Variants in TAF15 observed in about 807,000 individuals in gnomAD.
The protein encoded by TAF15 is TATA-binding protein-associated factor 2N.
Under a neutral mutation model 102.5 loss-of-function variants are expected in TAF15, and 37 were observed. That is an observed-to-expected ratio of 0.36 (90% CI 0.28 to 0.47). The LOEUF (loss-of-function observed/expected upper bound fraction) is 0.47, where lower values mean the gene tolerates loss of function less well. Among genes scored for constraint, TAF15 ranks in the 20% least tolerant of loss-of-function variants. The pLI, the probability that TAF15 is intolerant of heterozygous loss-of-function variation, is 0.99. For missense variants in TAF15, 652 were observed against 760.7 expected, an observed-to-expected ratio of 0.86 and a Z score of 1.68; for synonymous variants, 273 against 259.2, an observed-to-expected ratio of 1.05 and a Z score of -0.51.
At chr17:35,820,824 A>G (rs893862057) in intron 5 of TAF15, among the ~76,000 whole-genome samples, 1 of 152,130 alleles carries the variant, frequency 6.6e-6, no homozygotes, top group Non-Finnish European at 1.5e-5. Flanking sequence ...ATATTTTTTA[A>G]AAGGGTCAAA....
At chr17:35,811,772 A>G (rs1038372926) in intron 1 of TAF15, among the ~76,000 whole-genome samples, 5 of 152,280 alleles carry the variant, frequency 3.3e-5, no homozygotes, top group Admixed American at 6.5e-5. Context: ...TACAACGTGA[A>G]TTAGCTAACA....
intron 12 of TAF15, among the ~76,000 whole-genome samples, chr17:35,843,008 C>G (rs1384758313): frequency 6.6e-6 from 1 of 152,182 alleles, no homozygotes; most frequent in Admixed American, 6.5e-5. Context: ...GGATTGCAGG[C>G]ATGAGCCACC....
chr17:35,823,994 T>C lies in TAF15; in HGVS notation c.485-84T>C, dbSNP rs780918794. ...GTGCCATTTTCTATAAGGATATGTG[T>C]GGCCTAAAGAGCCATTTAACATTGT... On this transcript the variant is annotated intron_variant, in intron 6 of 15. Transcript: ENST00000605844. 956 of 1,553,096 alleles carry C rather than the reference T, an allele frequency of 6.2e-4. 1 individual carries two copies. Among genetic ancestry groups the C allele is most frequent in the Non-Finnish European group, 8.1e-4 (917 of 1,126,026 alleles).
chr17:35,812,583 CAAAAAAAA>C (rs34497840), intron 1 of TAF15, among the ~76,000 whole-genome samples: 2 of 66,278 alleles, frequency 3.0e-5, no homozygotes, highest in African/African-American at 5.6e-5. Flanking sequence ...AACTCTATCT[CAAAAAAAA>C]AAAAAAAAAA....
intron 1 of TAF15, 126 bp downstream of exon 1, chr17:35,809,702 G>A: frequency 3.7e-6 from 5 of 1,335,034 alleles, no homozygotes; most frequent in Non-Finnish European, 5.3e-6. Context: ...GGGGTGGGGG[G>A]GCGGCCGCTG....
intron 1 of TAF15, chr17:35,817,375 T>G: frequency 3.6e-6 from 1 of 281,622 alleles, no homozygotes; most frequent in Non-Finnish European, 6.8e-6. Context: ...TCTTTCCCCT[T>G]TTTGGACCTG....
At chr17:35,846,060 CAGA>C (rs1165431167) in intron 15 of TAF15, among the ~76,000 whole-genome samples, 2 of 152,056 alleles carry the variant, frequency 1.3e-5, no homozygotes, top group African/African-American at 2.4e-5. Flanking sequence ...GGTGTAGAGG[CAGA>C]AGAAGACCAA....
chr17:35,828,851 A>G (rs1394841389), intron 7 of TAF15, among the ~76,000 whole-genome samples: 1 of 149,962 alleles, frequency 6.7e-6, no homozygotes, highest in Non-Finnish European at 1.5e-5. Context: ...TGTATTTTGC[A>G]TTTAGAGCAC....
Position 35,836,106 on chromosome 17 carries a change from A to G in TAF15, c.674-26A>G, listed in dbSNP as rs567494994. The G allele has an allele frequency of 4.7e-6, 7 of 1,486,130 alleles. No homozygotes were observed. The East Asian group carries it at 1.1e-4, about 24-fold the overall frequency. The allele number at this position is 1,486,130 out of a possible 1,614,324, so 92.1% of individuals were successfully genotyped here. A position where few individuals can be genotyped will look rare whatever the true frequency, so the allele number is the denominator to read the frequency against. Reference sequence around the variant, plus strand: ...ATGTCATAACCAAGGAATATGTAAAATTAACCATCACTTTTTTTCTCTTAG... The same window carrying G: ...ATGTCATAACCAAGGAATATGTAAAGTTAACCATCACTTTTTTTCTCTTAG... On this transcript the variant is annotated intron_variant, in intron 9 of 15. Transcript: ENST00000605844.
intron 10 of TAF15, among the ~76,000 whole-genome samples, 169 bp from the exon 11 acceptor site, chr17:35,838,255 C>T (rs971058090): frequency 1.3e-5 from 2 of 152,048 alleles, no homozygotes; most frequent in South Asian, 4.2e-4. Context: ...CTTAGTGTAG[C>T]TTAGAGAGTT....
intron 11 of TAF15, among the ~76,000 whole-genome samples, chr17:35,838,969 A>G (rs1473292072): frequency 6.6e-6 from 1 of 152,078 alleles, no homozygotes; most frequent in African/African-American, 2.4e-5. Flanking sequence ...CCCTGACTTT[A>G]TAGTTTGAAA....
In TAF15 at chr17:35,818,182, G is replaced by A. The variant is rs537156316; in HGVS notation, c.47+427G>A. On this transcript the variant is annotated intron_variant, in intron 2 of 15. Transcript: ENST00000605844. ...GCGATCTCGGGTCGCTGCAAGCTCCGCCTCGCAGGTTCACGCCATTCTCTG... is the reference window on the plus strand; with the variant it reads ...GCGATCTCGGGTCGCTGCAAGCTCCACCTCGCAGGTTCACGCCATTCTCTG... 1.5e-3 allele frequency among the ~76,000 whole-genome samples: 225 copies of A among 151,956 alleles called. 1 individual carries two copies. The highest frequency in any genetic ancestry group is 4.1e-3 in the African/African-American group (169 of 41,438).
chr17:35,816,391 G>A lies in TAF15; in HGVS notation c.8-1325G>A, dbSNP rs555480160. On this transcript the variant is annotated intron_variant, in intron 1 of 15. Coordinates refer to ENST00000605844, the MANE Select transcript of TAF15 (RefSeq NM_139215.3). The stretch of plus-strand genomic sequence containing the variant: ...GCTGCACACCTGTAGTCCCAGCTAC[G>A]CAGGAGGCTGAGGCAGGAGAATGAC... Among the ~76,000 whole-genome samples the A allele has an allele frequency of 2.0e-5, 3 of 152,272 alleles. No homozygotes were observed. In the East Asian group the frequency reaches 5.8e-4, roughly 29 times the overall value.
intron 11 of TAF15, among the ~76,000 whole-genome samples, chr17:35,841,809 T>C (rs1036310656): frequency 2.0e-5 from 3 of 151,830 alleles, no homozygotes; most frequent in Admixed American, 6.6e-5. Context: ...GTAATCCTCC[T>C]GCCTCAGCCT....
At chr17:35,828,658 G>C (rs2087359319) in intron 7 of TAF15, among the ~76,000 whole-genome samples, 1 of 152,002 alleles carries the variant, frequency 6.6e-6, no homozygotes. Flanking sequence ...TTGAGCCCAG[G>C]AGTTCAAGGC....
intron 2 of TAF15, among the ~76,000 whole-genome samples, chr17:35,818,159 G>C (rs4251728): frequency 6.6e-6 from 1 of 151,960 alleles, no homozygotes; most frequent in African/African-American, 2.4e-5. Context: ...GCAGTGGCGC[G>C]ATCTCGGGTC....
At chr17:35,819,800 T>G (rs1379762894) in intron 2 of TAF15, among the ~76,000 whole-genome samples, 1 of 152,200 alleles carries the variant, frequency 6.6e-6, no homozygotes, top group African/African-American at 2.4e-5. Flanking sequence ...AACAAAACTT[T>G]GGGTATTTGT....
At chr17:35,820,295 G>A in intron 4 of TAF15, 37 bp from the exon 5 acceptor site, 1 of 1,613,680 alleles carries the variant, frequency 6.2e-7, no homozygotes, top group Non-Finnish European at 8.5e-7. Flanking sequence ...TGAAAAATCA[G>A]AGCCTTCACT....
chr17:35,819,027 T>TA (rs530385755), intron 2 of TAF15, among the ~76,000 whole-genome samples: 292 of 152,314 alleles, frequency 1.9e-3, no homozygotes, highest in Non-Finnish European at 3.5e-3. Flanking sequence ...GGGCTTCTCT[T>TA]ACCAAAATAC....
Sources: allele counts gnomAD v4.1 joint callset (sites outside exome capture counted in the v4.1 genomes callset), GRCh38; gene constraint gnomAD v4.1.1; transcripts MANE v1.5; gene names NCBI Gene and HGNC (gene_info 2026-07-23, HGNC 2026-07-21).